The following FAM107B variants were observed in gnomAD, a reference collection of about 807,000 sequenced individuals.
FAM107B encodes family with sequence similarity 107 member B.
Under a neutral mutation model 31.5 loss-of-function variants are expected in FAM107B, and 21 were observed. That is an observed-to-expected ratio of 0.67 (90% confidence interval 0.47 to 0.96). The LOEUF (loss-of-function observed/expected upper bound fraction) is 0.96. Ranked by LOEUF, FAM107B falls within the 40% of genes least tolerant of loss-of-function variation. The probability of loss-of-function intolerance (pLI) is 0.00; values close to 1 mark genes in which losing one functional copy is unlikely to be tolerated. For missense variants in FAM107B, 452 were observed against 377.1 expected (o/e 1.20, Z -1.64); for synonymous variants, 157 against 141.5 (o/e 1.11, Z -0.78).
intron 2 of FAM107B, among the ~76,000 whole-genome samples, chr10:14,530,926 A>G (rs1846913080): frequency 6.6e-6 from 1 of 152,246 alleles, no homozygotes; most frequent in Non-Finnish European, 1.5e-5. Context: ...CACATGTGTC[A>G]GGAAAGAGGG....
intron 2 of FAM107B, among the ~76,000 whole-genome samples, chr10:14,554,774 T>C (rs1255525942): frequency 6.6e-6 from 1 of 152,212 alleles, no homozygotes; most frequent in Non-Finnish European, 1.5e-5. Context: ...TGACAAATGC[T>C]ATCCCCTCCA....
At chr10:14,691,183 G>C (rs1855125550) in intron 1 of FAM107B, among the ~76,000 whole-genome samples, 1 of 152,094 alleles carries the variant, frequency 6.6e-6, no homozygotes, top group South Asian at 2.1e-4. Flanking sequence ...TTACAGGCAT[G>C]AGCCCCCGTA....
At chr10:14,748,687 G>C (rs1427529599) in intron 1 of FAM107B, among the ~76,000 whole-genome samples, 1 of 152,368 alleles carries the variant, frequency 6.6e-6, no homozygotes, top group Middle Eastern at 3.4e-3. Context: ...AGTTGCAGCA[G>C]AGCGGTCACC....
intron 2 of FAM107B, among the ~76,000 whole-genome samples, chr10:14,621,803 T>G (rs2131403478): frequency 6.6e-6 from 1 of 152,242 alleles, no homozygotes; most frequent in Non-Finnish European, 1.5e-5. Context: ...GCTTGTTAGC[T>G]GCTGAAAGCG....
intron 2 of FAM107B, chr10:14,548,525 G>C: frequency 1.0e-6 from 1 of 985,450 alleles, no homozygotes; most frequent in Non-Finnish European, 1.2e-6. Context: ...TCATCGCTTG[G>C]AGGTGGCAGG....
intron 2 of FAM107B, among the ~76,000 whole-genome samples, chr10:14,657,008 T>G (rs1385344181): frequency 6.6e-6 from 1 of 152,218 alleles, no homozygotes; most frequent in Non-Finnish European, 1.5e-5. Flanking sequence ...ATGTCAAGGC[T>G]AAACAGCTTG....
At chr10:14,698,647 C>A (rs1430017425) in intron 1 of FAM107B, among the ~76,000 whole-genome samples, 3 of 152,222 alleles carry the variant, frequency 2.0e-5, no homozygotes, top group Non-Finnish European at 2.9e-5. Context: ...GGTCCTACAG[C>A]TGTGACTCAG....
chr10:14,706,980 CAG>C (rs3035298), intron 1 of FAM107B, among the ~76,000 whole-genome samples: 2,719 of 152,112 alleles, frequency 0.018, 104 homozygotes, highest in African/African-American at 0.063. Context: ...GAAAAATTAG[CAG>C]AGTGTGGTGG....
intron 2 of FAM107B, among the ~76,000 whole-genome samples, chr10:14,600,163 T>G (rs953208518): frequency 6.6e-6 from 1 of 152,214 alleles, no homozygotes; most frequent in Non-Finnish European, 1.5e-5. Context: ...ACAGCTGTAG[T>G]TGGGTGCCCT....
In FAM107B at chr10:14,572,761, T is replaced by TA. The variant is rs1554835550; in HGVS notation, c.470-42247dup. ...AATTTATATATATATATATATATAT[T>TA]AGAGTGTGTGTGTATATATGTTATG... On this transcript the variant is annotated intron_variant, in intron 2 of 4. Coordinates refer to ENST00000181796, the MANE Select transcript of FAM107B (RefSeq NM_031453.4). 1.6e-4 allele frequency among the ~76,000 whole-genome samples: 12 copies of TA among 76,038 alleles called. No homozygotes were observed. The East Asian group carries it at 1.9e-3, about 12-fold the overall frequency. 49.9% of individuals were successfully genotyped at this position (76,038 alleles called of 152,430 possible).
At chr10:14,639,563 AC>A (rs1294048412) in intron 2 of FAM107B, among the ~76,000 whole-genome samples, 2 of 152,014 alleles carry the variant, frequency 1.3e-5, no homozygotes, top group Admixed American at 1.3e-4. Flanking sequence ...TCTCAAGACT[AC>A]CCCCAAGATC....
At chr10:14,668,909 T>C (rs1854473227) in intron 1 of FAM107B, among the ~76,000 whole-genome samples, 1 of 152,128 alleles carries the variant, frequency 6.6e-6, no homozygotes, top group Non-Finnish European at 1.5e-5. Context: ...GTTCCATAAA[T>C]AAAAACTGGG....
At chr10:14,762,754 T>TCA (rs35574582) in intron 1 of FAM107B, among the ~76,000 whole-genome samples, 10,206 of 115,768 alleles carry the variant, frequency 0.088, 404 homozygotes, top group East Asian at 0.13. Context: ...AAACTCTGTC[T>TCA]CACACACACA....
At chr10:14,630,989 T>C (rs758876490) in intron 2 of FAM107B, among the ~76,000 whole-genome samples, 66 of 152,274 alleles carry the variant, frequency 4.3e-4, no homozygotes, top group African/African-American at 1.6e-3. Flanking sequence ...TAATGGACTT[T>C]TATTATTTTA....
At chr10:14,659,927 C>A (rs922584841) in intron 2 of FAM107B, among the ~76,000 whole-genome samples, 1 of 152,274 alleles carries the variant, frequency 6.6e-6, no homozygotes, top group East Asian at 1.9e-4. Context: ...TCATTTCATC[C>A]ATTTTTAGGT....
At chr10:14,592,001 C>A (rs188321147) in intron 2 of FAM107B, among the ~76,000 whole-genome samples, 1 of 152,270 alleles carries the variant, frequency 6.6e-6, no homozygotes, top group African/African-American at 2.4e-5. Context: ...AAAGGCATAA[C>A]CATCAAATGC....
chr10:14,535,535 G>A (rs1847514708), intron 2 of FAM107B, among the ~76,000 whole-genome samples: 1 of 152,170 alleles, frequency 6.6e-6, no homozygotes, highest in African/African-American at 2.4e-5. Flanking sequence ...CACTGACAAC[G>A]TTCAATGGTT....
chr10:14,657,837 G>T (rs1490031866), intron 2 of FAM107B, among the ~76,000 whole-genome samples: 2 of 151,376 alleles, frequency 1.3e-5, no homozygotes, highest in East Asian at 1.9e-4. Context: ...TTTGAGGCTG[G>T]TCTCACTCTG....
chr10:14,577,088 T>C (rs1456786798), intron 2 of FAM107B, among the ~76,000 whole-genome samples: 1 of 152,258 alleles, frequency 6.6e-6, no homozygotes, highest in African/African-American at 2.4e-5. Flanking sequence ...GAACACTGCT[T>C]ATGATGAAAT....
Sources: gnomAD v4.1 joint callset for allele counts (sites outside exome capture counted in the v4.1 genomes callset) on GRCh38, gnomAD v4.1.1 for gene constraint, MANE v1.5 for transcripts, NCBI Gene and HGNC (gene_info 2026-07-23, HGNC 2026-07-21) for gene names.